SGCE: variants seen among roughly 807,000 people sequenced by gnomAD.
The protein encoded by SGCE is sarcoglycan epsilon.
SGCE carries 26 observed loss-of-function variants against 57.8 expected under a neutral mutation model. The observed-to-expected ratio is 0.45, with a 90% CI of 0.33 to 0.62. The LOEUF (loss-of-function observed/expected upper bound fraction) is 0.62. Among genes scored for constraint, SGCE ranks in the 20% least tolerant of loss-of-function variants. SGCE has a pLI of 0.02. For missense variants in SGCE, 468 were observed against 548.6 expected (o/e 0.85, Z 1.47); for synonymous variants, 183 against 189.5 (o/e 0.97, Z 0.28).
At chr7:94,650,957 G>T (rs1186640096) in intron 1 of SGCE, among the ~76,000 whole-genome samples, 1 of 152,182 alleles carries the variant, frequency 6.6e-6, no homozygotes, top group African/African-American at 2.4e-5. Context: ...TGTCTAATTT[G>T]TCAAAATCTC....
intron 5 of SGCE, 153 bp downstream of exon 5, chr7:94,618,605 T>C: frequency 1.6e-6 from 1 of 634,040 alleles, no homozygotes; most frequent in Non-Finnish European, 2.7e-6. Flanking sequence ...TCTTTGCCAA[T>C]ATAGAAAATT....
chr7:94,652,116 G>A (rs1807978420), intron 1 of SGCE, among the ~76,000 whole-genome samples: 1 of 151,778 alleles, frequency 6.6e-6, no homozygotes. Flanking sequence ...AGGTTGAGAG[G>A]GATAGAAAGA....
chr7:94,615,385 GA>G (rs2116853691), intron 5 of SGCE, among the ~76,000 whole-genome samples: 1 of 146,238 alleles, frequency 6.8e-6, no homozygotes, highest in South Asian at 2.2e-4. Context: ...TAGATAGATA[GA>G]TAGATAGATA....
chr7:94,654,117 C>G (rs1808262339), intron 1 of SGCE, among the ~76,000 whole-genome samples: 1 of 152,072 alleles, frequency 6.6e-6, no homozygotes, highest in Admixed American at 6.5e-5. Flanking sequence ...GAATAGGTTA[C>G]AGGTGACCTT....
intron 1 of SGCE, among the ~76,000 whole-genome samples, chr7:94,637,507 T>C (rs899384128): frequency 3.3e-4 from 51 of 152,290 alleles, no homozygotes; most frequent in African/African-American, 1.1e-3. Context: ...AGTTATCTCT[T>C]GGGTCCCAAG....
chr7:94,585,865 G>T (rs1393119071), intron 10 of SGCE, among the ~76,000 whole-genome samples: 1 of 151,686 alleles, frequency 6.6e-6, no homozygotes, highest in African/African-American at 2.4e-5. Context: ...ATGTGGGCTG[G>T]TAGGGCAGAG....
intron 5 of SGCE, among the ~76,000 whole-genome samples, chr7:94,610,954 C>A (rs1277318778): frequency 1.3e-5 from 2 of 152,136 alleles, no homozygotes; most frequent in Non-Finnish European, 2.9e-5. Context: ...TGAGATACCA[C>A]TTCACTTTCA....
intron 1 of SGCE, among the ~76,000 whole-genome samples, chr7:94,650,539 C>T (rs1054225072): frequency 2.0e-5 from 3 of 152,126 alleles, no homozygotes; most frequent in African/African-American, 7.2e-5. Flanking sequence ...CCTGTTGCAG[C>T]TATTTTCAAG....
chr7:94,592,476 G>C (rs552466095), intron 9 of SGCE, among the ~76,000 whole-genome samples: 3 of 152,198 alleles, frequency 2.0e-5, no homozygotes, highest in African/African-American at 7.2e-5. Context: ...TAAGTGAAAA[G>C]TTATTATGTG....
intron 9 of SGCE, chr7:94,598,265 C>T (rs1798706795): frequency 1.1e-5 from 2 of 177,862 alleles, no homozygotes; most frequent in Non-Finnish European, 2.4e-5. Flanking sequence ...AAGGTTTGCA[C>T]TAATAAAATA....
intron 1 of SGCE, among the ~76,000 whole-genome samples, chr7:94,648,171 A>G (rs1480504173): frequency 1.3e-5 from 2 of 151,994 alleles, no homozygotes; most frequent in East Asian, 3.9e-4. Context: ...TCAGGAGTTC[A>G]AGACCAGCCT....
chr7:94,623,230 G>A (rs1236550289), intron 4 of SGCE, 95 bp downstream of exon 4: 2 of 709,628 alleles, frequency 2.8e-6, no homozygotes, highest in South Asian at 1.9e-5. Flanking sequence ...TAGGTATGTG[G>A]CATTTTAAAA....
At chr7:94,652,905 A>G (rs891645491) in intron 1 of SGCE, among the ~76,000 whole-genome samples, 2 of 152,228 alleles carry the variant, frequency 1.3e-5, no homozygotes, top group African/African-American at 4.8e-5. Flanking sequence ...TAAGGTGTCC[A>G]AATAGAAAGT....
chr7:94,600,655 C>T lies in SGCE; in HGVS notation c.1028G>A (p.Arg343Gln), dbSNP rs755083075. ...GTTTTAAAGTACTCACACGCCTTCC[C>T]GTCGGCAGCACATGATATAAGCAAG... is the stretch of plus-strand genomic sequence containing the variant. ...LILAYIMCCR[R>Q]EGVEKRNMQT... The change falls in exon 7 of 11, where the codon CGG becomes CAG. Residue 343 changes from arginine (R) to glutamine (Q), a missense_variant. Coordinates refer to ENST00000648936, the MANE Select transcript of SGCE (RefSeq NM_003919.3). 1.8e-5 allele frequency: 29 copies of T among 1,612,286 alleles called. No individual in the cohort carries two copies. Among genetic ancestry groups the T allele is most frequent in the Admixed American group, 1.5e-4 (9 of 59,938 alleles).
intron 1 of SGCE, among the ~76,000 whole-genome samples, chr7:94,655,089 C>T (rs951534996): frequency 6.6e-6 from 1 of 152,196 alleles, no homozygotes; most frequent in African/African-American, 2.4e-5. Flanking sequence ...GTGGCCGAAT[C>T]TCGGCAACCC....
chr7:94,642,306 C>T (rs1051773611), intron 1 of SGCE, among the ~76,000 whole-genome samples: 1 of 152,050 alleles, frequency 6.6e-6, no homozygotes, highest in Admixed American at 6.6e-5. Flanking sequence ...ATGAATAATA[C>T]AGGAGGCATT....
intron 5 of SGCE, among the ~76,000 whole-genome samples, chr7:94,613,976 T>C (rs1402956349): frequency 5.3e-5 from 8 of 151,796 alleles, no homozygotes; most frequent in Admixed American, 5.3e-4. Flanking sequence ...GCAAAACACA[T>C]ATAATAAAAT....
At chr7:94,620,036 TAC>T (rs1488320745) in intron 4 of SGCE, 1 of 152,230 alleles carries the variant, frequency 6.6e-6, no homozygotes, top group Non-Finnish European at 1.5e-5. Context: ...TTCTAGGTGC[TAC>T]ACAGATTTAA....
In SGCE at chr7:94,585,504, G is replaced by C. The variant is rs1314679593; in HGVS notation, c.1309C>G (p.Pro437Ala). Residue 437 changes from proline to alanine, a missense_variant, in exon 11 of 11, where the codon CCC becomes GCC. Transcript: ENST00000648936. Reference protein sequence around the residue: ...PQQQTTGKWYP With the variant: ...PQQQTTGKWYA ...CTTCAGTCAGTTTTCTTTCTTCAGG[G>C]ATACCATTTACCTGCAATGTGTAAG... is the stretch of plus-strand genomic sequence containing the variant. The C allele has an allele frequency of 1.2e-6, 2 of 1,604,952 alleles. No homozygotes were observed. Among genetic ancestry groups the C allele is most frequent in the Non-Finnish European group, 1.7e-6 (2 of 1,171,926 alleles).
Sources: gnomAD v4.1 joint callset for allele counts (sites outside exome capture counted in the v4.1 genomes callset) on GRCh38, gnomAD v4.1.1 for gene constraint, MANE v1.5 for transcripts, NCBI Gene and HGNC (gene_info 2026-07-23, HGNC 2026-07-21) for gene names.